The following LSAMP variants were observed in gnomAD, a reference collection of about 807,000 sequenced individuals.
LSAMP encodes the protein limbic system associated membrane protein.
LSAMP carries 7 observed loss-of-function variants against 38.6 expected under a neutral mutation model. The observed-to-expected ratio is 0.18, with a 90% CI of 0.10 to 0.34. The LOEUF (loss-of-function observed/expected upper bound fraction) is 0.34. LSAMP is among the 10% of genes least tolerant of loss of function. The pLI is 1.00. For synonymous variants in LSAMP, 154 were observed against 166.8 expected (o/e 0.92, Z 0.59); for missense variants, 313 against 420.0 (o/e 0.75, Z 2.23).
intron 2 of LSAMP, among the ~76,000 whole-genome samples, chr3:116,062,348 A>C (rs1941608090): frequency 1.3e-5 from 2 of 152,262 alleles, no homozygotes; most frequent in South Asian, 4.1e-4. Context: ...GTCTCTACTG[A>C]AGATACAAAA....
intron 1 of LSAMP, among the ~76,000 whole-genome samples, chr3:116,415,233 A>G (rs2049034360): frequency 1.7e-5 from 1 of 59,854 alleles, no homozygotes; most frequent in Non-Finnish European, 3.6e-5. Context: ...ATTATTTTAC[A>G]GAGGAAGAAA....
rs959907668 is a variant in LSAMP at position 116,358,008 on chromosome 3, A to G, written c.155+86869T>C. On this transcript the variant is annotated intron_variant, in intron 1 of 6. Coordinates refer to ENST00000490035, the MANE Select transcript of LSAMP (RefSeq NM_002338.5). ...ACTTGGAGGCAGAAACTCATGAAGA[A>G]TCTCTTTGGGTTTCCTCCTTATGAT... Among the ~76,000 whole-genome samples the G allele has an allele frequency of 3.3e-5, 5 of 152,112 alleles. 1 individual carries two copies. The highest frequency in any genetic ancestry group is 1.2e-4 in the African/African-American group (5 of 41,526).
intron 2 of LSAMP, among the ~76,000 whole-genome samples, chr3:116,068,703 C>T (rs191226241): frequency 2.0e-5 from 3 of 152,282 alleles, no homozygotes; most frequent in Admixed American, 2.0e-4. Flanking sequence ...CATCAACTAT[C>T]TCAACATTCT....
chr3:115,854,151 A>G (rs898420706), intron 3 of LSAMP, among the ~76,000 whole-genome samples: 13 of 152,056 alleles, frequency 8.5e-5, no homozygotes, highest in African/African-American at 3.1e-4. Context: ...AGGCAAGAGT[A>G]ATATAACATT....
At chr3:115,956,048 G>T (rs1938444178) in intron 3 of LSAMP, among the ~76,000 whole-genome samples, 2 of 152,124 alleles carry the variant, frequency 1.3e-5, no homozygotes, top group South Asian at 4.1e-4. Flanking sequence ...ATGTGACTCA[G>T]TTCAACTGTA....
intron 3 of LSAMP, among the ~76,000 whole-genome samples, chr3:115,878,415 A>C (rs1013080900): frequency 9.3e-5 from 14 of 150,592 alleles, no homozygotes; most frequent in African/African-American, 2.9e-4. Flanking sequence ...ATTATTAACC[A>C]ATAAAAGATT....
At chr3:116,411,026 C>G (rs991011150) in intron 1 of LSAMP, among the ~76,000 whole-genome samples, 1 of 151,882 alleles carries the variant, frequency 6.6e-6, no homozygotes, top group Admixed American at 6.6e-5. Flanking sequence ...AGAGGTGGGA[C>G]GCTCACCAGC....
intron 1 of LSAMP, among the ~76,000 whole-genome samples, chr3:116,175,324 TGATCA>T (rs1484788520): frequency 6.6e-6 from 1 of 152,124 alleles, no homozygotes; most frequent in Non-Finnish European, 1.5e-5. Flanking sequence ...TAATGTATAG[TGATCA>T]GATCAATGTA....
intron 1 of LSAMP, among the ~76,000 whole-genome samples, chr3:116,174,397 T>TTAAGAC (rs1484728154): frequency 6.6e-6 from 1 of 151,934 alleles, no homozygotes; most frequent in Non-Finnish European, 1.5e-5. Flanking sequence ...AAACACCACA[T>TTAAGAC]TAAGACTATT....
chr3:115,891,003 G>A (rs1936584545), intron 3 of LSAMP, among the ~76,000 whole-genome samples: 1 of 151,938 alleles, frequency 6.6e-6, no homozygotes, highest in Non-Finnish European at 1.5e-5. Context: ...CTAGGAATAA[G>A]GTTGATAAGG....
At chr3:116,132,380 A>C (rs1709154063) in intron 1 of LSAMP, among the ~76,000 whole-genome samples, 1 of 152,114 alleles carries the variant, frequency 6.6e-6, no homozygotes, top group South Asian at 2.1e-4. Context: ...ACCCCTTAGC[A>C]ATGAGGATTG....
intron 1 of LSAMP, among the ~76,000 whole-genome samples, chr3:116,243,484 G>A (rs538946413): frequency 6.6e-6 from 1 of 152,282 alleles, no homozygotes; most frequent in Non-Finnish European, 1.5e-5. Context: ...ACTTTTCTAT[G>A]TGTTAGCATT....
At chr3:116,356,627 G>A (rs909439263) in intron 1 of LSAMP, among the ~76,000 whole-genome samples, 5 of 152,150 alleles carry the variant, frequency 3.3e-5, no homozygotes, top group Non-Finnish European at 7.4e-5. Context: ...GAATGCTTAA[G>A]GTGATAGAAA....
chr3:116,295,039 G>C (rs2047312292), intron 1 of LSAMP, among the ~76,000 whole-genome samples: 1 of 152,016 alleles, frequency 6.6e-6, no homozygotes, highest in South Asian at 2.1e-4. Context: ...TTGGCTTTAG[G>C]GGGTATAAGA....
intron 3 of LSAMP, among the ~76,000 whole-genome samples, chr3:115,908,156 T>A (rs1937055535): frequency 6.6e-6 from 1 of 152,102 alleles, no homozygotes; most frequent in African/African-American, 2.4e-5. Context: ...CTTTTATTTA[T>A]GCCGTTTCAT....
At chr3:116,371,939 C>CA (rs1398117397) in intron 1 of LSAMP, among the ~76,000 whole-genome samples, 1 of 151,772 alleles carries the variant, frequency 6.6e-6, no homozygotes, top group Non-Finnish European at 1.5e-5. Flanking sequence ...ATGAAAGCAT[C>CA]AAAAACAACA....
At chr3:116,026,087 C>T (rs1377139723) in intron 2 of LSAMP, among the ~76,000 whole-genome samples, 2 of 152,118 alleles carry the variant, frequency 1.3e-5, no homozygotes, top group Non-Finnish European at 2.9e-5. Context: ...ATTGGGCCTA[C>T]ATATTTTTTT....
At chr3:116,400,367 CT>C (rs2048822417) in intron 1 of LSAMP, among the ~76,000 whole-genome samples, 1 of 151,946 alleles carries the variant, frequency 6.6e-6, no homozygotes, top group African/African-American at 2.4e-5. Context: ...TTCTTTCTTC[CT>C]TCCTTTTTTT....
At chr3:115,913,767 T>C (rs1937184493) in intron 3 of LSAMP, among the ~76,000 whole-genome samples, 1 of 152,146 alleles carries the variant, frequency 6.6e-6, no homozygotes, top group African/African-American at 2.4e-5. Flanking sequence ...AGTTTTCCCA[T>C]GAGGTTCTTC....
Sources: allele counts gnomAD v4.1 joint callset (sites outside exome capture counted in the v4.1 genomes callset), GRCh38; gene constraint gnomAD v4.1.1; transcripts MANE v1.5; gene names NCBI Gene and HGNC (gene_info 2026-07-23, HGNC 2026-07-21).